The following PLD5 variants were observed in gnomAD, a reference collection of about 807,000 sequenced individuals.
The protein encoded by PLD5 is inactive phospholipase D5.
Under a neutral mutation model 61.1 loss-of-function variants are expected in PLD5, and 36 were observed. The ratio of observed to expected loss-of-function variants is 0.59; its 90% CI spans 0.45 to 0.78. PLD5 has a LOEUF of 0.78. PLD5 is among the 30% of genes least tolerant of loss of function. The probability of loss-of-function intolerance (pLI) is 0.00; values close to 1 mark genes in which losing one functional copy is unlikely to be tolerated. For synonymous variants in PLD5, 243 were observed against 242.8 expected (o/e 1.00, Z -0.01); for missense variants, 515 against 644.4 (o/e 0.80, Z 2.17).
intron 1 of PLD5, among the ~76,000 whole-genome samples, chr1:242,354,297 A>T (rs6704216): frequency 0.83 from 125,901 of 152,084 alleles, 53,132 homozygotes; most frequent in South Asian, 0.9. Context: ...AGAGTTCTAA[A>T]TAATCCACCC....
At chr1:242,260,709 T>C (rs1673330749) in intron 4 of PLD5, among the ~76,000 whole-genome samples, 1 of 152,234 alleles carries the variant, frequency 6.6e-6, no homozygotes, top group South Asian at 2.1e-4. Flanking sequence ...ATACCAAGTA[T>C]ATTCTATGAA....
At chr1:242,126,055 G>A (rs12137969) in intron 5 of PLD5, among the ~76,000 whole-genome samples, 39,053 of 152,038 alleles carry the variant, frequency 0.26, 5,136 homozygotes, top group African/African-American at 0.29. Context: ...ACTATTAGCG[G>A]TTAAGTGAAA....
intron 1 of PLD5, among the ~76,000 whole-genome samples, chr1:242,502,006 C>A (rs1397004469): frequency 6.6e-6 from 1 of 151,924 alleles, no homozygotes; most frequent in African/African-American, 2.4e-5. Flanking sequence ...GAACAGAAAC[C>A]TGAGAATAGC....
At chr1:242,105,528 A>G (rs1470553830) in intron 8 of PLD5, among the ~76,000 whole-genome samples, 1 of 152,170 alleles carries the variant, frequency 6.6e-6, no homozygotes, top group African/African-American at 2.4e-5. Context: ...CTGGCCTGTT[A>G]GTTGTGCTTT....
intron 1 of PLD5, among the ~76,000 whole-genome samples, chr1:242,363,299 C>G (rs1384017963): frequency 2.0e-5 from 3 of 151,400 alleles, no homozygotes; most frequent in Non-Finnish European, 4.4e-5. Context: ...GAAAATAAAA[C>G]AGAAAACAAT....
chr1:242,299,138 A>C (rs1468705039), intron 2 of PLD5, among the ~76,000 whole-genome samples: 1 of 151,972 alleles, frequency 6.6e-6, no homozygotes, highest in Non-Finnish European at 1.5e-5. Context: ...TAATATTTTA[A>C]TTTTTTAAAT....
intron 1 of PLD5, among the ~76,000 whole-genome samples, chr1:242,368,870 T>A (rs921045823): frequency 6.6e-6 from 1 of 152,178 alleles, no homozygotes; most frequent in Non-Finnish European, 1.5e-5. Context: ...ATTTCTTGGG[T>A]TGCTTTTTGT....
At chr1:242,254,710 A>G (rs1416110385) in intron 4 of PLD5, among the ~76,000 whole-genome samples, 2 of 152,124 alleles carry the variant, frequency 1.3e-5, no homozygotes, top group East Asian at 3.9e-4. Flanking sequence ...AGGCTCAGAG[A>G]AAGTGCCGGC....
upstream of PLD5, among the ~76,000 whole-genome samples, chr1:242,527,366 C>G (rs1041637769): frequency 9.2e-5 from 14 of 151,970 alleles, no homozygotes; most frequent in Non-Finnish European, 1.9e-4. Context: ...AAACTCCTGA[C>G]CTCAAGTGAC....
chr1:242,191,846 C>T (rs1668307460), intron 5 of PLD5, among the ~76,000 whole-genome samples: 1 of 151,476 alleles, frequency 6.6e-6, no homozygotes, highest in African/African-American at 2.4e-5. Flanking sequence ...GGGGTACAGA[C>T]TGGGGCGAAA....
chr1:242,215,149 A>G lies in PLD5; in HGVS notation c.735+4839T>C, dbSNP rs112228646. ...GTGATCTGCCCACCTCAGCCTCCCA[A>G]AGTGCTGGGATTACAGGTGTGAGCC... is the stretch of plus-strand genomic sequence containing the variant. On this transcript the variant is annotated intron_variant, in intron 5 of 9. Coordinates refer to ENST00000536534, the MANE Select transcript of PLD5 (RefSeq NM_001372062.1). Among the ~76,000 whole-genome samples, 807 of 151,022 alleles carry G rather than the reference A, an allele frequency of 5.3e-3. 2 individuals carry two copies. The highest frequency in any genetic ancestry group is 0.011 in the Admixed American group (166 of 14,616).
chr1:242,236,036 T>G (rs1041550081), intron 4 of PLD5: 1 of 152,164 alleles, frequency 6.6e-6, no homozygotes, highest in African/African-American at 2.4e-5. Context: ...TCTGAACATG[T>G]GATTCGTGAA....
At chr1:242,278,988 C>T (rs113101964) in intron 3 of PLD5, among the ~76,000 whole-genome samples, 8,364 of 152,256 alleles carry the variant, frequency 0.055, 275 homozygotes, top group Middle Eastern at 0.13. Flanking sequence ...TCATATGCAG[C>T]CTGGAGATGA....
chr1:242,471,919 A>C (rs562739725), intron 1 of PLD5, among the ~76,000 whole-genome samples: 1 of 152,338 alleles, frequency 6.6e-6, no homozygotes, highest in African/African-American at 2.4e-5. Context: ...GCTTTAATTA[A>C]GTCAGTGAAG....
chr1:242,431,815 C>T (rs1286028023), intron 1 of PLD5, among the ~76,000 whole-genome samples: 1 of 152,216 alleles, frequency 6.6e-6, no homozygotes, highest in Admixed American at 6.5e-5. Context: ...TGTTTTTACT[C>T]TGTGCCAGAG....
chr1:242,489,694 G>T (rs1444960664), intron 1 of PLD5, among the ~76,000 whole-genome samples: 1 of 152,166 alleles, frequency 6.6e-6, no homozygotes, highest in East Asian at 1.9e-4. Flanking sequence ...GAAGGGAAAG[G>T]GAGGGACATG....
At chr1:242,195,726 A>G (rs1037443739) in intron 5 of PLD5, among the ~76,000 whole-genome samples, 4 of 152,214 alleles carry the variant, frequency 2.6e-5, no homozygotes, top group Admixed American at 6.5e-5. Context: ...ATAGGGCAGT[A>G]ACAGGAATTC....
At chr1:242,424,460 C>A (rs1665308476) in intron 1 of PLD5, among the ~76,000 whole-genome samples, 1 of 152,076 alleles carries the variant, frequency 6.6e-6, no homozygotes, top group Non-Finnish European at 1.5e-5. Flanking sequence ...CTCTGGCCAC[C>A]TGAAATTTCA....
intron 1 of PLD5, among the ~76,000 whole-genome samples, chr1:242,520,445 C>A (rs184895709): frequency 1.3e-4 from 20 of 152,306 alleles, no homozygotes; most frequent in African/African-American, 4.8e-4. Flanking sequence ...CACAGTTGTG[C>A]ATCTTGGTAA....
Sources: allele counts gnomAD v4.1 joint callset (sites outside exome capture counted in the v4.1 genomes callset), GRCh38; gene constraint gnomAD v4.1.1; transcripts MANE v1.5; gene names NCBI Gene and HGNC (gene_info 2026-07-23, HGNC 2026-07-21).